DIAPH3: variants seen among roughly 807,000 people sequenced by gnomAD.
The protein encoded by DIAPH3 is diaphanous related formin 3, also known as protein diaphanous homolog 3.
Under a neutral mutation model 144.3 loss-of-function variants are expected in DIAPH3, and 117 were observed. The ratio of observed to expected loss-of-function variants is 0.81; its 90% CI spans 0.70 to 0.95. The LOEUF is 0.95. Among genes scored for constraint, DIAPH3 ranks in the 40% least tolerant of loss-of-function variants. The probability of loss-of-function intolerance (pLI) is 0.00; values close to 1 mark genes in which losing one functional copy is unlikely to be tolerated. For synonymous variants in DIAPH3, 519 were observed against 488.9 expected (o/e 1.06, Z -0.81); for missense variants, 1,421 against 1,412.7 (o/e 1.01, Z -0.09).
chr13:59,785,733 T>C (rs1318293841), intron 25 of DIAPH3, among the ~76,000 whole-genome samples: 1 of 152,190 alleles, frequency 6.6e-6, no homozygotes, highest in Non-Finnish European at 1.5e-5. Context: ...AAAATTTCTC[T>C]CTGTGGCTCC....
chr13:60,077,236 G>A (rs900193340), intron 4 of DIAPH3, among the ~76,000 whole-genome samples: 4 of 151,658 alleles, frequency 2.6e-5, no homozygotes, highest in African/African-American at 9.7e-5. Flanking sequence ...GGGGAAATGC[G>A]TAAAGATCAC....
chr13:59,908,371 A>C (rs889879320), intron 20 of DIAPH3, among the ~76,000 whole-genome samples: 1 of 128,712 alleles, frequency 7.8e-6, no homozygotes, highest in Non-Finnish European at 1.7e-5. Context: ...CTCTGTCTCA[A>C]AAAAAAAAAA....
chr13:59,909,950 CT>C (rs2046911021), intron 20 of DIAPH3, among the ~76,000 whole-genome samples: 1 of 152,160 alleles, frequency 6.6e-6, no homozygotes, highest in African/African-American at 2.4e-5. Flanking sequence ...CATAACTTGG[CT>C]ATTTTAAGTA....
chr13:59,689,898 A>AT (rs993009580), intron 27 of DIAPH3, among the ~76,000 whole-genome samples: 15 of 151,960 alleles, frequency 9.9e-5, no homozygotes, highest in Admixed American at 5.9e-4. Context: ...CTTCCAGGAC[A>AT]TTTTTTTATG....
intron 19 of DIAPH3, 152 bp downstream of exon 19, chr13:59,916,003 T>C: frequency 1.5e-6 from 1 of 657,240 alleles, no homozygotes; most frequent in Non-Finnish European, 2.7e-6. Context: ...CTTTCTCTCC[T>C]GGCAATGCAG....
At chr13:59,779,258 TGAGACAC>T (rs2038597943) in intron 25 of DIAPH3, among the ~76,000 whole-genome samples, 1 of 152,166 alleles carries the variant, frequency 6.6e-6, no homozygotes, top group Admixed American at 6.5e-5. Flanking sequence ...TAACTACCTG[TGAGACAC>T]TAGACTATTA....
intron 4 of DIAPH3, among the ~76,000 whole-genome samples, chr13:60,052,380 G>A (rs951003563): frequency 6.6e-6 from 1 of 152,148 alleles, no homozygotes; most frequent in Non-Finnish European, 1.5e-5. Context: ...AAAAAACAAA[G>A]TTCACTAGGA....
intron 22 of DIAPH3, among the ~76,000 whole-genome samples, chr13:59,853,695 C>T (rs1432688653): frequency 2.0e-5 from 3 of 152,112 alleles, no homozygotes; most frequent in African/African-American, 2.4e-5. Context: ...TATGCAAAAA[C>T]GGACTAATAC....
rs994813184 is a variant in DIAPH3, at chr13:60,163,767, C to G, written c.-1G>C. On this transcript the variant is annotated 5_prime_UTR_variant, in exon 1 of 28. Coordinates refer to ENST00000400324, the MANE Select transcript of DIAPH3 (RefSeq NM_001042517.2). ...GCAGCCGCGGCTGGTGCCGTTCCAT[C>G]TTTCCCCGCAGCTCCGGGGACCGGA... 9 of 1,577,524 alleles carry G rather than the reference C, an allele frequency of 5.7e-6. No individual in the cohort carries two copies. Among genetic ancestry groups the G allele is most frequent in the Non-Finnish European group, 7.7e-6 (9 of 1,163,368 alleles).
chr13:60,016,745 A>AAAACAAAC (rs901444337), intron 5 of DIAPH3, among the ~76,000 whole-genome samples: 1 of 152,192 alleles, frequency 6.6e-6, no homozygotes, highest in African/African-American at 2.4e-5. Context: ...AGTTGCTTTA[A>AAAACAAAC]AAACAAACAA....
At chr13:59,783,927 C>T (rs1343006308) in intron 25 of DIAPH3, among the ~76,000 whole-genome samples, 4 of 152,112 alleles carry the variant, frequency 2.6e-5, no homozygotes, top group African/African-American at 7.2e-5. Context: ...ACAAGGCAAA[C>T]TAATAGGAAA....
intron 5 of DIAPH3, among the ~76,000 whole-genome samples, chr13:60,026,669 T>G (rs1282390612): frequency 6.6e-6 from 1 of 152,172 alleles, no homozygotes; most frequent in Non-Finnish European, 1.5e-5. Context: ...TTTAAGCAAC[T>G]TTTTTAACCA....
intron 20 of DIAPH3, among the ~76,000 whole-genome samples, chr13:59,881,247 T>C (rs1228055035): frequency 6.6e-6 from 1 of 152,014 alleles, no homozygotes; most frequent in Admixed American, 6.6e-5. Context: ...ACTGGTAACA[T>C]GAATAATGCT....
At chr13:59,828,090 T>C (rs534321812) in intron 24 of DIAPH3, among the ~76,000 whole-genome samples, 8 of 152,136 alleles carry the variant, frequency 5.3e-5, no homozygotes, top group African/African-American at 1.9e-4. Flanking sequence ...TAAAGCTTGA[T>C]GCCCGATACG....
chr13:59,923,240 T>C (rs904847975), intron 18 of DIAPH3, among the ~76,000 whole-genome samples: 5 of 152,180 alleles, frequency 3.3e-5, no homozygotes, highest in Non-Finnish European at 1.5e-5. Context: ...TCGGGAACTA[T>C]TACAAGACTA....
At chr13:59,945,088 T>C (rs955495551) in intron 17 of DIAPH3, among the ~76,000 whole-genome samples, 1 of 152,118 alleles carries the variant, frequency 6.6e-6, no homozygotes, top group Non-Finnish European at 1.5e-5. Context: ...AAAAATCATA[T>C]ACTCATGCTT....
In DIAPH3 at chr13:59,666,628, C is replaced by T; in HGVS notation, c.3538G>A (p.Val1180Ile). ...LLGSFSKNES[V>I]PEVEALLARL... ...GCCAGCAGGGCTTCAACTTCGGGAA[C>T]TGATTCATTTTTAGAAAAAGAGCCA... The change falls in exon 28 of 28, where the codon GTT becomes ATT. Residue 1180 changes from valine (V) to isoleucine (I), a missense_variant. Physicochemically the swap from Val to Ile is conservative, Grantham distance 29 (BLOSUM62 3). Transcript: ENST00000400324. 1.2e-6 allele frequency: 2 copies of T among 1,614,104 alleles called. No individual in the cohort carries two copies. Among genetic ancestry groups the T allele is most frequent in the Non-Finnish European group, 1.7e-6 (2 of 1,180,000 alleles).
intron 14 of DIAPH3, among the ~76,000 whole-genome samples, chr13:59,978,233 G>A (rs1009103681): frequency 1.1e-4 from 17 of 151,760 alleles, no homozygotes; most frequent in Non-Finnish European, 1.9e-4. Context: ...TGAACGAAGT[G>A]ATGAGCCAAC....
intron 5 of DIAPH3, among the ~76,000 whole-genome samples, chr13:60,036,743 G>T (rs2055259314): frequency 6.6e-6 from 1 of 151,978 alleles, no homozygotes; most frequent in African/African-American, 2.4e-5. Flanking sequence ...TTTATAACTT[G>T]TTAATCTAAA....
Sources: allele counts gnomAD v4.1 joint callset (sites outside exome capture counted in the v4.1 genomes callset), GRCh38; gene constraint gnomAD v4.1.1; transcripts MANE v1.5; gene names NCBI Gene and HGNC (gene_info 2026-07-23, HGNC 2026-07-21).